SRFBP1: variants seen among roughly 807,000 people sequenced by gnomAD.
SRFBP1 encodes the protein serum response factor binding protein 1.
SRFBP1 carries 47 observed loss-of-function variants against 45.5 expected under a neutral mutation model. That is an observed-to-expected ratio of 1.03 (90% CI 0.82 to 1.32). The LOEUF is 1.32. SRFBP1 is among the 40% of genes most tolerant of loss of function. SRFBP1 has a pLI of 0.00. For synonymous variants in SRFBP1, 203 were observed against 166.3 expected (o/e 1.22, Z -1.70); for missense variants, 621 against 484.6 (o/e 1.28, Z -2.64).
chr5:122,015,907 A>C (rs907783620), intron 4 of SRFBP1, among the ~76,000 whole-genome samples: 4 of 152,254 alleles, frequency 2.6e-5, no homozygotes, highest in Admixed American at 6.5e-5. Flanking sequence ...GCTCTAAGTC[A>C]TATATCCCCT....
At chr5:122,078,396 C>G (rs1018329551), downstream of SRFBP1, 1 of 161,428 alleles carries the variant, frequency 6.2e-6, no homozygotes, top group African/African-American at 2.4e-5. Context: ...AGCTCCTCGC[C>G]TCTGCCCCTC....
At chr5:121,967,979 C>T (rs1752110209) in intron 1 of SRFBP1, among the ~76,000 whole-genome samples, 1 of 151,998 alleles carries the variant, frequency 6.6e-6, no homozygotes. Flanking sequence ...TATTTAATTC[C>T]ACCCATCTTC....
At chr5:122,033,120 T>A (rs1019177852), downstream of SRFBP1, among the ~76,000 whole-genome samples, 4 of 151,856 alleles carry the variant, frequency 2.6e-5, no homozygotes, top group African/African-American at 9.7e-5. Flanking sequence ...CACTTTTGTA[T>A]CAATTTTTTG....
intron 2 of SRFBP1, among the ~76,000 whole-genome samples, chr5:122,061,704 A>G (rs1047375358): frequency 6.6e-6 from 1 of 152,046 alleles, no homozygotes; most frequent in African/African-American, 2.4e-5. Flanking sequence ...AGCGGTACCT[A>G]AAAGCATTCA....
chr5:122,025,820 G>T (rs1287956051), intron 7 of SRFBP1, among the ~76,000 whole-genome samples: 1 of 152,108 alleles, frequency 6.6e-6, no homozygotes, highest in Non-Finnish European at 1.5e-5. Flanking sequence ...CTTCTGACAG[G>T]CCGAGCACGG....
At chr5:122,077,154 A>T (rs1754662712), downstream of SRFBP1, 3 of 1,464,950 alleles carry the variant, frequency 2.0e-6, no homozygotes, top group Middle Eastern at 4.9e-4. The surrounding 1 kb of genome is among the most constrained non-coding windows in gnomAD (Gnocchi z 4.9). Context: ...GACGCCCGGG[A>T]CTGCAAAGCA....
intron 1 of SRFBP1, among the ~76,000 whole-genome samples, chr5:121,970,098 C>G (rs1421949856): frequency 6.6e-6 from 1 of 152,058 alleles, no homozygotes; most frequent in African/African-American, 2.4e-5. Flanking sequence ...TTTACAATTC[C>G]TGGGTGACAA....
exon 3 of SRFBP1, chr5:122,075,325 A>C: frequency 7.6e-7 from 1 of 1,309,534 alleles, no homozygotes; most frequent in Non-Finnish European, 1.0e-6. Flanking sequence ...GTAAGAAATA[A>C]GACTTGCATT....
At chr5:122,023,789 ACCT>A (rs1235701573) in intron 7 of SRFBP1, among the ~76,000 whole-genome samples, 1 of 151,872 alleles carries the variant, frequency 6.6e-6, no homozygotes, top group Non-Finnish European at 1.5e-5. Context: ...TTCACTATAC[ACCT>A]CCTCAAAAAC....
intron 2 of SRFBP1, among the ~76,000 whole-genome samples, chr5:122,041,014 A>G (rs1753764203): frequency 6.6e-6 from 1 of 152,176 alleles, no homozygotes; most frequent in South Asian, 2.1e-4. Context: ...ATTAGGGACA[A>G]TTTTGAACAG....
rs925309765 is a variant in SRFBP1, at chr5:121,999,304, A to C, written c.270+4634A>C. 8.4e-4 allele frequency among the ~76,000 whole-genome samples: 128 copies of C among 151,860 alleles called. 1 individual carries two copies. Among genetic ancestry groups the C allele is most frequent in the African/African-American group, 2.9e-3 (121 of 41,458 alleles). ...CCAGTATCTTTTTGCAATTTTTTTT[A>C]TTTAATTCCTTTATGATCCATGAAC... On this transcript the variant is annotated intron_variant, in intron 4 of 7. Transcript: ENST00000339397.
intron 2 of SRFBP1, among the ~76,000 whole-genome samples, chr5:122,048,585 T>C (rs572885496): frequency 2.0e-5 from 3 of 152,304 alleles, no homozygotes; most frequent in African/African-American, 7.2e-5. Flanking sequence ...GGATTCCCTC[T>C]TTTTCTATTG....
chr5:122,020,909 C>T (rs1753302807), intron 6 of SRFBP1, 107 bp downstream of exon 6: 1 of 1,085,610 alleles, frequency 9.2e-7, no homozygotes, highest in African/African-American at 1.6e-5. Flanking sequence ...TTGTACAACC[C>T]ATCCTGTTTT....
intron 4 of SRFBP1, among the ~76,000 whole-genome samples, chr5:122,004,541 A>G (rs189578184): frequency 7.9e-5 from 12 of 151,852 alleles, no homozygotes; most frequent in African/African-American, 2.9e-4. Flanking sequence ...TTCTCATTTT[A>G]TTTATTTGAG....
chr5:121,999,003 T>G (rs1752797066), intron 4 of SRFBP1, among the ~76,000 whole-genome samples: 1 of 152,208 alleles, frequency 6.6e-6, no homozygotes. Flanking sequence ...TTTCATTGAT[T>G]TTTGCTCCAT....
intron 2 of SRFBP1, among the ~76,000 whole-genome samples, chr5:122,050,435 A>G (rs894696328): frequency 6.6e-6 from 1 of 152,140 alleles, no homozygotes; most frequent in African/African-American, 2.4e-5. Context: ...TTATTGGTCT[A>G]TTCAGGGATT....
At chr5:122,077,033 G>A (rs745935769), downstream of SRFBP1, 21 of 1,608,262 alleles carry the variant, frequency 1.3e-5, no homozygotes, top group African/African-American at 2.0e-4. This position sits in a 1 kb window ranked among gnomAD's most constrained non-coding sequence, Gnocchi z 4.9. Context: ...GCGCAGCAGT[G>A]AAACAACCCG....
chr5:122,042,132 T>A (rs1753783730), intron 2 of SRFBP1, among the ~76,000 whole-genome samples: 1 of 152,228 alleles, frequency 6.6e-6, no homozygotes, highest in Non-Finnish European at 1.5e-5. Context: ...TTGACAACTC[T>A]ATTTTTTCTG....
intron 2 of SRFBP1, among the ~76,000 whole-genome samples, chr5:122,043,725 TG>T (rs1753806910): frequency 6.6e-6 from 1 of 152,178 alleles, no homozygotes; most frequent in Admixed American, 6.5e-5. Flanking sequence ...AAACTTTTTT[TG>T]TAACAGATGA....
Sources: gnomAD v4.1 joint callset for allele counts (sites outside exome capture counted in the v4.1 genomes callset) on GRCh38, gnomAD v4.1.1 for gene constraint, Gnocchi (gnomAD v3.1) non-coding constraint, MANE v1.5 for transcripts, NCBI Gene and HGNC (gene_info 2026-07-23, HGNC 2026-07-21) for gene names.